Variants in RBFOX1 observed in about 807,000 individuals in gnomAD.
The protein encoded by RBFOX1 is RNA binding protein fox-1 homolog 1.
RBFOX1 carries 8 observed loss-of-function variants against 57.7 expected under a neutral mutation model. The ratio of observed to expected loss-of-function variants is 0.14; its 90% confidence interval spans 0.08 to 0.25. The LOEUF is 0.25. Ranked by LOEUF, RBFOX1 falls within the 10% of genes least tolerant of loss-of-function variation. The pLI, the probability that RBFOX1 is intolerant of heterozygous loss-of-function variation, is 1.00. For missense variants in RBFOX1, 611 were observed against 548.5 expected (o/e 1.11, Z -1.14); for synonymous variants, 326 against 222.4 (o/e 1.47, Z -4.15).
chr16:6,479,696 C>T (rs1312241161), intron 2 of RBFOX1, among the ~76,000 whole-genome samples: 1 of 152,110 alleles, frequency 6.6e-6, no homozygotes, highest in Non-Finnish European at 1.5e-5. Context: ...AATCACCTCC[C>T]ACCTGGTTTC....
intron 1 of RBFOX1, among the ~76,000 whole-genome samples, chr16:6,233,928 C>T (rs1027755024): frequency 6.6e-6 from 1 of 152,108 alleles, no homozygotes; most frequent in Non-Finnish European, 1.5e-5. Flanking sequence ...TGATAAAGAA[C>T]AGAAATGTAT....
At chr16:7,350,438 C>T (rs1347812651) in intron 4 of RBFOX1, among the ~76,000 whole-genome samples, 1 of 152,146 alleles carries the variant, frequency 6.6e-6, no homozygotes, top group Non-Finnish European at 1.5e-5. Flanking sequence ...TCCCATTCCA[C>T]CTTGTAGGGC....
intron 4 of RBFOX1, among the ~76,000 whole-genome samples, chr16:7,468,408 C>G (rs965843572): frequency 6.6e-6 from 1 of 151,346 alleles, no homozygotes; most frequent in Admixed American, 6.6e-5. Flanking sequence ...TAAACTCACG[C>G]TGCTACTTGC....
At chr16:6,463,522 G>T (rs1187032731) in intron 2 of RBFOX1, among the ~76,000 whole-genome samples, 2 of 152,076 alleles carry the variant, frequency 1.3e-5, no homozygotes, top group Non-Finnish European at 2.9e-5. Context: ...TTTGATGGGG[G>T]GTCGGGGCGG....
intron 4 of RBFOX1, among the ~76,000 whole-genome samples, chr16:7,513,868 G>A (rs765274078): frequency 2.2e-4 from 34 of 152,098 alleles, no homozygotes; most frequent in African/African-American, 7.7e-4. Context: ...AAAGATCTGC[G>A]GATGGAAAGT....
chr16:7,580,012 G>C, intron 6 of RBFOX1, 92 bp downstream of exon 6: 1 of 1,391,458 alleles, frequency 7.2e-7, no homozygotes, highest in Non-Finnish European at 9.9e-7. Flanking sequence ...ACAATACTAA[G>C]GTTAGATGTT....
At chr16:6,056,543 A>T (rs543710693) in intron 1 of RBFOX1, among the ~76,000 whole-genome samples, 1 of 152,312 alleles carries the variant, frequency 6.6e-6, no homozygotes, top group South Asian at 2.1e-4. Flanking sequence ...TTATTTATGC[A>T]TGTAATTGCC....
intron 1 of RBFOX1, among the ~76,000 whole-genome samples, chr16:6,267,908 A>G (rs563698522): frequency 1.3e-5 from 2 of 152,272 alleles, no homozygotes; most frequent in South Asian, 4.2e-4. Flanking sequence ...TATTTATCCC[A>G]AACTGCTAAG....
intron 3 of RBFOX1, among the ~76,000 whole-genome samples, chr16:6,913,393 T>C (rs186530372): frequency 6.6e-6 from 1 of 152,242 alleles, no homozygotes; most frequent in East Asian, 1.9e-4. Context: ...AGCTGCTGTC[T>C]CTTCCGGCAA....
intron 4 of RBFOX1, among the ~76,000 whole-genome samples, chr16:7,234,400 A>G (rs2093662104): frequency 1.3e-5 from 2 of 152,260 alleles, no homozygotes; most frequent in African/African-American, 2.4e-5. Context: ...CAAAGTGGGA[A>G]AAGCTAACCT....
At chr16:5,321,523 T>C (rs1257789575) in intron 1 of RBFOX1, among the ~76,000 whole-genome samples, 1 of 152,146 alleles carries the variant, frequency 6.6e-6, no homozygotes, top group Non-Finnish European at 1.5e-5. Flanking sequence ...GTTTTCACTG[T>C]GTTAGCCAGG....
intron 2 of RBFOX1, among the ~76,000 whole-genome samples, chr16:6,489,791 A>C (rs2095589815): frequency 6.6e-6 from 1 of 152,166 alleles, no homozygotes; most frequent in South Asian, 2.1e-4. Context: ...GGTCTTGTGA[A>C]TTCTCTCTAC....
At chr16:6,672,618 T>G (rs969470067) in intron 3 of RBFOX1, among the ~76,000 whole-genome samples, 4 of 152,148 alleles carry the variant, frequency 2.6e-5, no homozygotes, top group African/African-American at 9.7e-5. Context: ...ATAAGACTAC[T>G]GACTTCAGGT....
chr16:7,016,613 A>G (rs2093928573), intron 3 of RBFOX1, among the ~76,000 whole-genome samples: 1 of 152,150 alleles, frequency 6.6e-6, no homozygotes, highest in Admixed American at 6.5e-5. Flanking sequence ...GACACGCCTC[A>G]CTTGGTGGAT....
At chr16:6,090,959 A>T (rs2096163262) in intron 1 of RBFOX1, among the ~76,000 whole-genome samples, 1 of 152,262 alleles carries the variant, frequency 6.6e-6, no homozygotes. Flanking sequence ...TATGGGAAGC[A>T]TGTGATATTT....
chr16:5,762,038 C>G (rs540398645), intron 3 of RBFOX1, among the ~76,000 whole-genome samples: 2 of 152,112 alleles, frequency 1.3e-5, no homozygotes, highest in African/African-American at 4.8e-5. Flanking sequence ...GCAGCAATAT[C>G]ATCATCTAGA....
intron 7 of RBFOX1, among the ~76,000 whole-genome samples, chr16:7,587,851 G>T (rs1014197689): frequency 1.3e-5 from 2 of 152,202 alleles, no homozygotes; most frequent in African/African-American, 4.8e-5. Flanking sequence ...AAAGTCAGGG[G>T]CTCTATGGAG....
intron 2 of RBFOX1, among the ~76,000 whole-genome samples, chr16:5,544,907 C>T: frequency 7.0e-6 from 1 of 143,536 alleles, no homozygotes. Flanking sequence ...TAAAAACTTT[C>T]CCACAAAGAC....
intron 4 of RBFOX1, among the ~76,000 whole-genome samples, chr16:7,419,478 A>T (rs958899902): frequency 6.6e-6 from 1 of 152,192 alleles, no homozygotes; most frequent in Non-Finnish European, 1.5e-5. Context: ...GGCAGATTGT[A>T]TTGTGCCTTG....
Sources: allele counts gnomAD v4.1 joint callset (sites outside exome capture counted in the v4.1 genomes callset), GRCh38; gene constraint gnomAD v4.1.1; transcripts MANE v1.5; gene names NCBI Gene and HGNC (gene_info 2026-07-23, HGNC 2026-07-21).